Variants in ITGAE observed in about 807,000 individuals in gnomAD.
The protein encoded by ITGAE is integrin subunit alpha E.
In ITGAE, 99 loss-of-function variants were observed where a neutral mutation model predicts 136.5. The observed-to-expected ratio is 0.73, with a 90% CI of 0.62 to 0.86. The LOEUF is 0.86. Among genes scored for constraint, ITGAE ranks in the 40% least tolerant of loss-of-function variants. The probability of loss-of-function intolerance (pLI) is 0.00; values close to 1 mark genes in which losing one functional copy is unlikely to be tolerated. For missense variants in ITGAE, 1,447 were observed against 1,515.3 expected (o/e 0.95, Z 0.75); for synonymous variants, 613 against 591.8 (o/e 1.04, Z -0.52).
chr17:3,729,895 AT>A (rs1490752457), intron 23 of ITGAE, among the ~76,000 whole-genome samples: 2 of 152,022 alleles, frequency 1.3e-5, no homozygotes, highest in Admixed American at 6.6e-5. Context: ...GCGCCTGGCT[AT>A]TTTTTTAAGT....
intron 20 of ITGAE, among the ~76,000 whole-genome samples, chr17:3,738,326 A>C (rs1415072554): frequency 6.6e-6 from 1 of 151,960 alleles, no homozygotes; most frequent in African/African-American, 2.4e-5. Flanking sequence ...GCCCACCACC[A>C]TGCCCAGCTA....
intron 1 of ITGAE, among the ~76,000 whole-genome samples, chr17:3,791,856 AAC>A (rs1393220948): frequency 6.6e-6 from 1 of 152,202 alleles, no homozygotes; most frequent in Non-Finnish European, 1.5e-5. Context: ...TGAAAAGGGG[AAC>A]ACAAAATACA....
intron 1 of ITGAE, among the ~76,000 whole-genome samples, chr17:3,797,228 C>A (rs1339679247): frequency 1.4e-5 from 2 of 138,278 alleles, no homozygotes; most frequent in Non-Finnish European, 3.0e-5. Flanking sequence ...TGCAGTGGCG[C>A]AATCTCGGCT....
At chr17:3,777,798 G>T in intron 1 of ITGAE, 138 bp from the exon 2 acceptor site, 1 of 1,019,122 alleles carries the variant, frequency 9.8e-7, no homozygotes, top group Non-Finnish European at 1.4e-6. Flanking sequence ...GTGTGAGAGA[G>T]AAAGACTAGA....
At position 3,734,971 on chromosome 17, in the gene ITGAE, AT is replaced by A. The variant is rs1397805479; in HGVS notation, c.2523-23del. On this transcript the variant is annotated intron_variant, in intron 20 of 30. Transcript: ENST00000263087. ...CTGCCTGCACAGGGTACAGATAAAA[AT>A]GTTACAGTTTATTTCATCTGTAAAA... 3.1e-6 allele frequency: 5 copies of A among 1,613,664 alleles called. No individual in the cohort carries two copies. The African/African-American group carries it at 5.3e-5, about 17-fold the overall frequency.
At chr17:3,761,362 T>C in intron 5 of ITGAE, 41 bp downstream of exon 5, 1 of 1,561,176 alleles carries the variant, frequency 6.4e-7, no homozygotes, top group South Asian at 1.2e-5. Context: ...CAAGGAGATC[T>C]CTTTAGAGCT....
In ITGAE at chr17:3,728,094, T is replaced by G; in HGVS notation, c.2976+11A>C. 1 of 1,609,046 alleles carries G rather than the reference T, an allele frequency of 6.2e-7. No individual in the cohort carries two copies. On this transcript the variant is annotated intron_variant, in intron 25 of 30. Transcript: ENST00000263087. Reference sequence around the variant, plus strand: ...TTTGCCATCTACAGCTTTACAATAATAAGTACTTACATGGAAGAGGAATTC... The same window carrying G: ...TTTGCCATCTACAGCTTTACAATAAGAAGTACTTACATGGAAGAGGAATTC...
At position 3,763,936 on chromosome 17, in the gene ITGAE, G is replaced by A; in HGVS notation, c.180C>T (p.Thr60=). ...QTWLLVTSPR[T]KRTPGPLHRC... is the part of the protein sequence containing the mutation. ...GATGGAGGGGCCCTGGTGTCCTCTT[G>A]GTTCTGGGGCTGGTGACCAGGAGCC... is the stretch of plus-strand genomic sequence containing the variant. Residue 60 remains threonine (T), a synonymous_variant, in exon 3 of 31, where the codon ACC becomes ACT. Coordinates refer to ENST00000263087, the MANE Select transcript of ITGAE (RefSeq NM_002208.5). 6.2e-7 allele frequency: 1 copy of A among 1,613,506 alleles called. No homozygotes were observed. The highest frequency in any genetic ancestry group is 2.2e-5 in the East Asian group (1 of 44,862).
chr17:3,777,325 G>C (rs922241291), intron 2 of ITGAE, among the ~76,000 whole-genome samples: 1 of 152,342 alleles, frequency 6.6e-6, no homozygotes, highest in Middle Eastern at 3.4e-3. Flanking sequence ...CCAGTGAGGC[G>C]TGAGGCTGGG....
intron 18 of ITGAE, 80 bp from the exon 19 acceptor site, chr17:3,743,697 CTT>C (rs1261866331): frequency 1.3e-4 from 160 of 1,212,130 alleles, no homozygotes; most frequent in Admixed American, 3.0e-4. Flanking sequence ...TTTTCTTTTT[CTT>C]TTTTTCTTTT....
chr17:3,755,738 G>A, intron 11 of ITGAE, 92 bp downstream of exon 11: 1 of 1,031,608 alleles, frequency 9.7e-7, no homozygotes. Flanking sequence ...GTAGGGCAGA[G>A]CCCTGGATGG....
At chr17:3,754,780 C>A (rs1255598317) in intron 12 of ITGAE, 3 of 346,474 alleles carry the variant, frequency 8.7e-6, no homozygotes, top group Admixed American at 9.7e-5. Context: ...CGCCCTCGCC[C>A]AGGTGGCCTC....
intron 20 of ITGAE, among the ~76,000 whole-genome samples, chr17:3,738,649 G>C (rs1196863854): frequency 6.6e-6 from 1 of 152,226 alleles, no homozygotes; most frequent in Admixed American, 6.5e-5. Context: ...TGGCTAATGT[G>C]ACTGAGGAAC....
intron 12 of ITGAE, 21 bp from the exon 13 acceptor site, chr17:3,753,946 C>T: frequency 6.2e-7 from 1 of 1,610,410 alleles, no homozygotes; most frequent in Non-Finnish European, 8.5e-7. Context: ...GGTGGTGTGG[C>T]TGTGAACACA....
chr17:3,777,650 C>A lies in ITGAE; in HGVS notation c.45G>T (p.Leu15=). 1 of 1,612,784 alleles carries A rather than the reference C, an allele frequency of 6.2e-7. No individual in the cohort carries two copies. Among genetic ancestry groups the A allele is most frequent in the Non-Finnish European group, 8.5e-7 (1 of 1,179,474 alleles). The change falls in exon 2 of 31, where the codon CTG becomes CTT. Residue 15 remains leucine (L), a synonymous_variant. Transcript: ENST00000263087. ...HTLLCIASLA[L]LAAFNVDVAR... is the part of the protein sequence containing the mutation. ...CCACATCCACATTGAAAGCGGCCAGCAGGGCCAGGCCTGTAGGGAAAAGAG... is the reference window on the plus strand; with the variant it reads ...CCACATCCACATTGAAAGCGGCCAGAAGGGCCAGGCCTGTAGGGAAAAGAG...
rs1352747826 is a variant in ITGAE, at chr17:3,755,162, C to A, written c.1339G>T (p.Ala447Ser). 2.5e-5 allele frequency: 40 copies of A among 1,571,334 alleles called. No individual in the cohort carries two copies. Among genetic ancestry groups the A allele is most frequent in the Non-Finnish European group, 3.0e-5 (35 of 1,162,198 alleles). Residue 447 changes from alanine (A) to serine (S), a missense_variant, in exon 12 of 31, where the codon GCG (alanine) becomes TCG (serine). Ala to Ser is a moderately conservative substitution (Grantham distance 99). Coordinates refer to ENST00000263087, the MANE Select transcript of ITGAE (RefSeq NM_002208.5). ...GCCTCCGCGTCTGCCGCCGCCGCCG[C>A]TGTCTGGTTCAGGAAGCGGCCCCGG... ...SRRGRFLNQT[A>S]AAAADAEAAQ...
chr17:3,753,515 G>T, intron 13 of ITGAE, 85 bp from the exon 14 acceptor site: 1 of 1,511,160 alleles, frequency 6.6e-7, no homozygotes. Context: ...CGTGCTTCCT[G>T]GACCACCCAA....
chr17:3,792,736 C>T (rs962924776), intron 1 of ITGAE, among the ~76,000 whole-genome samples: 12 of 152,184 alleles, frequency 7.9e-5, no homozygotes, highest in African/African-American at 2.4e-4. Flanking sequence ...GTTGATTCAA[C>T]GCATACATGA....
rs776275165 is a variant in ITGAE, at chr17:3,760,227, C to T, written c.659G>A (p.Arg220Lys). Residue 220 changes from arginine to lysine, a missense_variant, in exon 7 of 31, where the codon AGA becomes AAA. By Grantham distance (26) the Arg-to-Lys change is conservative (BLOSUM62 2). Transcript: ENST00000263087. The stretch of plus-strand genomic sequence containing the variant: ...CATGTTGGAGATGAAGTCTTTGGCT[C>T]TCTGAAAGTCTGGGGGATCAATGCT... ...SGSIDPPDFQRAKDFISNMMR... is the reference protein window; with the variant it reads ...SGSIDPPDFQKAKDFISNMMR... 1 of 1,613,916 alleles carries T rather than the reference C, an allele frequency of 6.2e-7. No individual in the cohort carries two copies. Among genetic ancestry groups the T allele is most frequent in the Non-Finnish European group, 8.5e-7 (1 of 1,179,956 alleles).
Sources: allele counts gnomAD v4.1 joint callset (sites outside exome capture counted in the v4.1 genomes callset), GRCh38; gene constraint gnomAD v4.1.1; transcripts MANE v1.5; gene names NCBI Gene and HGNC (gene_info 2026-07-23, HGNC 2026-07-21).